PDSS2: variants seen among roughly 807,000 people sequenced by gnomAD.
PDSS2 encodes the protein all trans-polyprenyl-diphosphate synthase PDSS2.
A neutral mutation model predicts 44.5 loss-of-function variants in PDSS2; 31 were observed. The ratio of observed to expected loss-of-function variants is 0.70; its 90% CI spans 0.52 to 0.94. The LOEUF (loss-of-function observed/expected upper bound fraction) is 0.94. Among genes scored for constraint, PDSS2 ranks in the 40% least tolerant of loss-of-function variants. PDSS2 has a pLI of 0.00. For missense variants in PDSS2, 452 were observed against 482.2 expected (o/e 0.94, Z 0.59); for synonymous variants, 157 against 180.3 (o/e 0.87, Z 1.03).
intron 3 of PDSS2, among the ~76,000 whole-genome samples, chr6:107,265,194 G>A (rs1775374537): frequency 6.6e-6 from 1 of 152,096 alleles, no homozygotes. Flanking sequence ...AATATCTTCA[G>A]GGAAAAGCCA....
At position 107,253,628 on chromosome 6, in the gene PDSS2, A is replaced by G. The variant is rs73763776; in HGVS notation, c.631-8009T>C. Among the ~76,000 whole-genome samples, 1,213 of 152,316 alleles carry G rather than the reference A, an allele frequency of 8.0e-3. 10 individuals carry two copies. Among genetic ancestry groups the G allele is most frequent in the African/African-American group, 0.028 (1,181 of 41,568 alleles). On this transcript the variant is annotated intron_variant, in intron 3 of 7. Transcript: ENST00000369037. Reference sequence around the variant, plus strand: ...TATCAACAATAAGTCCTATGATTAGAAATATTTAAATGTGCAGCTATATAC... The same window carrying G: ...TATCAACAATAAGTCCTATGATTAGGAATATTTAAATGTGCAGCTATATAC...
At chr6:107,254,329 G>A (rs1361830972) in intron 3 of PDSS2, among the ~76,000 whole-genome samples, 1 of 151,780 alleles carries the variant, frequency 6.6e-6, no homozygotes, top group Non-Finnish European at 1.5e-5. Flanking sequence ...ACTGCGCCTG[G>A]CCGAAAAATA....
chr6:107,371,334 G>A (rs919833021), intron 1 of PDSS2, among the ~76,000 whole-genome samples: 2 of 152,148 alleles, frequency 1.3e-5, no homozygotes, highest in African/African-American at 2.4e-5. Flanking sequence ...AAGGATTGGG[G>A]TACTCGAAAT....
chr6:107,329,256 A>G (rs1423077897), intron 2 of PDSS2, among the ~76,000 whole-genome samples: 2 of 152,240 alleles, frequency 1.3e-5, no homozygotes, highest in Non-Finnish European at 2.9e-5. Context: ...TCTGAAAACC[A>G]TTCTGTGAAG....
chr6:107,261,702 C>G (rs1187328766), intron 3 of PDSS2, among the ~76,000 whole-genome samples: 1 of 150,898 alleles, frequency 6.6e-6, no homozygotes, highest in Non-Finnish European at 1.5e-5. Context: ...CTCCGCCTCC[C>G]GAGTAGCTGG....
intron 1 of PDSS2, among the ~76,000 whole-genome samples, chr6:107,392,082 A>G (rs1177627577): frequency 1.3e-5 from 2 of 152,324 alleles, no homozygotes; most frequent in African/African-American, 4.8e-5. Flanking sequence ...TTATAACAAT[A>G]TTAATCCTAG....
intron 4 of PDSS2, among the ~76,000 whole-genome samples, chr6:107,227,785 G>A (rs941278000): frequency 1.3e-5 from 2 of 152,214 alleles, no homozygotes; most frequent in African/African-American, 4.8e-5. Context: ...TATGAAGATA[G>A]AGAACAATGG....
At chr6:107,246,705 A>C (rs771905199) in intron 3 of PDSS2, among the ~76,000 whole-genome samples, 3 of 152,332 alleles carry the variant, frequency 2.0e-5, no homozygotes, top group South Asian at 2.1e-4. Flanking sequence ...TTGCTTTAAC[A>C]TTTTAACACA....
intron 6 of PDSS2, among the ~76,000 whole-genome samples, chr6:107,209,562 CT>C (rs543768033): frequency 0.16 from 19,578 of 126,116 alleles, 1,427 homozygotes; most frequent in Non-Finnish European, 0.19. Context: ...AGGCTCTAAG[CT>C]TTTTTTTTTT....
intron 3 of PDSS2, among the ~76,000 whole-genome samples, chr6:107,250,186 C>G (rs1774767639): frequency 6.6e-6 from 1 of 150,574 alleles, no homozygotes; most frequent in East Asian, 1.9e-4. Flanking sequence ...ACTGACCCCC[C>G]CCCGCAAAAA....
intron 1 of PDSS2, among the ~76,000 whole-genome samples, chr6:107,405,613 C>T (rs319056): frequency 0.38 from 57,221 of 151,810 alleles, 13,260 homozygotes; most frequent in Middle Eastern, 0.65. Flanking sequence ...TTTGGGAGGC[C>T]GAGGCGGGCG....
At chr6:107,437,014 T>G (rs1401986680) in intron 1 of PDSS2, among the ~76,000 whole-genome samples, 1 of 152,026 alleles carries the variant, frequency 6.6e-6, no homozygotes, top group African/African-American at 2.4e-5. Context: ...TTCTTTCTTT[T>G]GAGACACAGT....
chr6:107,200,079 C>A (rs1029439999), intron 6 of PDSS2, among the ~76,000 whole-genome samples: 1 of 152,084 alleles, frequency 6.6e-6, no homozygotes, highest in Non-Finnish European at 1.5e-5. Context: ...AGCAGTGCGT[C>A]TAAAGGAAAA....
Position 107,410,500 on chromosome 6 carries a change from G to A in PDSS2, c.296+48490C>T, listed in dbSNP as rs113422058. ...TTTTTGTTTGTTTGTTTGTTTGTTT[G>A]TTTTTTGAGACAGAGTCTCACTCTG... is the stretch of plus-strand genomic sequence containing the variant. On this transcript the variant is annotated intron_variant, in intron 1 of 7. Transcript: ENST00000369037. Among the ~76,000 whole-genome samples the A allele has an allele frequency of 9.8e-4, 113 of 115,536 alleles. 2 individuals carry two copies. In the East Asian group the frequency reaches 0.018, roughly 19 times the overall value. The allele number at this position is 115,536 out of a possible 152,430, so 75.8% of individuals were successfully genotyped here.
intron 1 of PDSS2, among the ~76,000 whole-genome samples, chr6:107,393,389 A>C (rs1337398231): frequency 6.6e-6 from 1 of 152,078 alleles, no homozygotes; most frequent in African/African-American, 2.4e-5. Flanking sequence ...AAAACTTTTA[A>C]ATTATTGAGA....
chr6:107,261,578 CTTTTTT>C (rs36106088), intron 3 of PDSS2, among the ~76,000 whole-genome samples: 2 of 112,842 alleles, frequency 1.8e-5, no homozygotes, highest in African/African-American at 6.0e-5. Context: ...TCTTTTCTTT[CTTTTTT>C]TTTTTTTTTT....
chr6:107,419,069 C>G (rs1780749370), intron 1 of PDSS2, among the ~76,000 whole-genome samples: 1 of 151,834 alleles, frequency 6.6e-6, no homozygotes, highest in Admixed American at 6.6e-5. Context: ...AAATGTCATG[C>G]CTTCTCCTGT....
rs1232059844 is a variant in PDSS2, at chr6:107,161,098, C to A, written c.1042-6321G>T. On this transcript the variant is annotated intron_variant, in intron 7 of 7. Coordinates refer to ENST00000369037, the MANE Select transcript of PDSS2 (RefSeq NM_020381.4). ...CAATTTTTGTTAGGTTGATATCAAA[C>A]TCCTGAGCTCAAGTGATCCACCCAC... Among the ~76,000 whole-genome samples, 6 of 151,568 alleles carry A rather than the reference C, an allele frequency of 4.0e-5. No homozygotes were observed. In the East Asian group the frequency reaches 1.2e-3, roughly 30 times the overall value.
At chr6:107,226,748 C>T (rs1773838612) in intron 4 of PDSS2, among the ~76,000 whole-genome samples, 1 of 150,158 alleles carries the variant, frequency 6.7e-6, no homozygotes, top group African/African-American at 2.4e-5. Flanking sequence ...CGGCTCACTG[C>T]AACCTCCGCC....
Sources: allele counts gnomAD v4.1 joint callset (sites outside exome capture counted in the v4.1 genomes callset), GRCh38; gene constraint gnomAD v4.1.1; transcripts MANE v1.5; gene names NCBI Gene and HGNC (gene_info 2026-07-23, HGNC 2026-07-21).